Variants in HS6ST3 observed in about 807,000 individuals in gnomAD.
HS6ST3 encodes the protein heparan sulfate 6-O-sulfotransferase 3.
A neutral mutation model predicts 36.7 loss-of-function variants in HS6ST3; 12 were observed. That is an observed-to-expected ratio of 0.33 (90% CI 0.21 to 0.53). The LOEUF (loss-of-function observed/expected upper bound fraction) is 0.53, where lower values mean the gene tolerates loss of function less well. Ranked by LOEUF, HS6ST3 falls within the 20% of genes least tolerant of loss-of-function variation. The pLI is 0.95. For missense variants in HS6ST3, 584 were observed against 640.9 expected (o/e 0.91, Z 0.96); for synonymous variants, 240 against 257.5 (o/e 0.93, Z 0.65).
chr13:96,702,191 A>G (rs1307204879), intron 1 of HS6ST3, among the ~76,000 whole-genome samples: 1 of 152,122 alleles, frequency 6.6e-6, no homozygotes, highest in Non-Finnish European at 1.5e-5. Context: ...TAGTTGTGGG[A>G]AAAAAATCAC....
intron 1 of HS6ST3, among the ~76,000 whole-genome samples, chr13:96,385,196 G>A (rs75420719): frequency 0.33 from 46,080 of 139,028 alleles, 8,517 homozygotes; most frequent in Non-Finnish European, 0.42. Flanking sequence ...AAAAAAAAAA[G>A]AAAAGATTTT....
Position 96,370,334 on chromosome 13 carries a change from G to C in HS6ST3, c.707+278765G>C, listed in dbSNP as rs138805106. ...TATGCAGCTTTTCTCTCTCCCTTCAGAACAATGAAATTTTTGTCAGTTCAT... is the reference window on the plus strand; with the variant it reads ...TATGCAGCTTTTCTCTCTCCCTTCACAACAATGAAATTTTTGTCAGTTCAT... On this transcript the variant is annotated intron_variant, in intron 1 of 1. Coordinates refer to ENST00000376705, the MANE Select transcript of HS6ST3 (RefSeq NM_153456.4). 1.0e-3 allele frequency among the ~76,000 whole-genome samples: 158 copies of C among 152,096 alleles called. 2 individuals are homozygous for C. In the South Asian group the frequency reaches 0.011, roughly 10 times the overall value.
At chr13:96,226,563 A>G (rs1209640766) in intron 1 of HS6ST3, among the ~76,000 whole-genome samples, 1 of 152,214 alleles carries the variant, frequency 6.6e-6, no homozygotes, top group Non-Finnish European at 1.5e-5. Flanking sequence ...AGACATTATA[A>G]TATCTTTTGT....
chr13:96,603,716 C>T lies in HS6ST3; in HGVS notation c.708-228774C>T, dbSNP rs117440207. Among the ~76,000 whole-genome samples the T allele has an allele frequency of 8.4e-3, 1,280 of 152,154 alleles. 50 individuals are homozygous for T. Among genetic ancestry groups the T allele is most frequent in the Admixed American group, 0.071 (1,080 of 15,274 alleles). ...TATATAGAAGAGAATATTTTTAATG[C>T]AATAATTTATACGATCATGTTATGA... On this transcript the variant is annotated intron_variant, in intron 1 of 1. Transcript: ENST00000376705.
At chr13:96,260,565 G>A (rs187554042) in intron 1 of HS6ST3, among the ~76,000 whole-genome samples, 304 of 152,042 alleles carry the variant, frequency 2.0e-3, no homozygotes, top group African/African-American at 6.7e-3. Flanking sequence ...CACCCACCTC[G>A]GCCTCCCAAA....
intron 1 of HS6ST3, among the ~76,000 whole-genome samples, chr13:96,109,430 C>T (rs968723750): frequency 6.6e-6 from 1 of 152,156 alleles, no homozygotes; most frequent in Non-Finnish European, 1.5e-5. Flanking sequence ...ATGAGATGGG[C>T]TGGAAGAAGG....
At chr13:96,520,141 G>A (rs1002746806) in intron 1 of HS6ST3, among the ~76,000 whole-genome samples, 1 of 152,102 alleles carries the variant, frequency 6.6e-6, no homozygotes, top group Non-Finnish European at 1.5e-5. Context: ...CTTGTGTCAG[G>A]TTTGTCAAAG....
At chr13:96,386,182 A>G (rs541824117) in intron 1 of HS6ST3, among the ~76,000 whole-genome samples, 67 of 152,378 alleles carry the variant, frequency 4.4e-4, no homozygotes, top group African/African-American at 1.6e-3. Flanking sequence ...TCAGGGGCGA[A>G]GCAACAAGAT....
chr13:96,698,103 G>A (rs1875182062), intron 1 of HS6ST3, among the ~76,000 whole-genome samples: 2 of 152,056 alleles, frequency 1.3e-5, no homozygotes, highest in Admixed American at 1.3e-4. Flanking sequence ...GTGCAGGTTT[G>A]TTACATATGT....
At chr13:96,695,221 T>C (rs1372447877) in intron 1 of HS6ST3, among the ~76,000 whole-genome samples, 1 of 152,212 alleles carries the variant, frequency 6.6e-6, no homozygotes, top group Non-Finnish European at 1.5e-5. Context: ...ATGTAACCTC[T>C]GATTTCTTCT....
intron 1 of HS6ST3, among the ~76,000 whole-genome samples, chr13:96,270,387 T>A (rs551341295): frequency 1.3e-5 from 2 of 152,156 alleles, no homozygotes; most frequent in East Asian, 3.9e-4. Context: ...CCTATTATTC[T>A]TTAAAATGGA....
chr13:96,694,634 T>C (rs2138447705), intron 1 of HS6ST3, among the ~76,000 whole-genome samples: 1 of 152,360 alleles, frequency 6.6e-6, no homozygotes, highest in South Asian at 2.1e-4. Context: ...CCACCATGGT[T>C]GAACTCATTT....
chr13:96,393,299 A>G (rs1441359829), intron 1 of HS6ST3, among the ~76,000 whole-genome samples: 1 of 152,172 alleles, frequency 6.6e-6, no homozygotes, highest in East Asian at 1.9e-4. Flanking sequence ...TGGATTGTAG[A>G]GAGGTGGGAG....
intron 1 of HS6ST3, among the ~76,000 whole-genome samples, chr13:96,328,888 C>T (rs2055048206): frequency 6.6e-6 from 1 of 152,096 alleles, no homozygotes; most frequent in Admixed American, 6.5e-5. Flanking sequence ...AGAGATTCAA[C>T]TTCTTCCTGG....
At chr13:96,201,819 C>T (rs1315900153) in intron 1 of HS6ST3, among the ~76,000 whole-genome samples, 1 of 152,126 alleles carries the variant, frequency 6.6e-6, no homozygotes, top group East Asian at 1.9e-4. Context: ...AGATTTCCAT[C>T]TATATAGTCA....
chr13:96,838,554 T>G lies in HS6ST3; in HGVS notation c.*5356T>G, dbSNP rs2138556141. 1 of 152,464 alleles carries G rather than the reference T, an allele frequency of 6.6e-6. No individual in the cohort carries two copies. The highest frequency in any genetic ancestry group is 2.4e-5 in the African/African-American group (1 of 41,580). The allele number at this position is 152,464 out of a possible 1,614,324, so 9.4% of individuals were successfully genotyped here. ...GGGTCTGATGATTCTACCCATTTTG[T>G]GCCATCTGAGGAGCATGCGAGGGTT... On this transcript the variant is annotated 3_prime_UTR_variant, in exon 2 of 2. Coordinates refer to ENST00000376705, the MANE Select transcript of HS6ST3 (RefSeq NM_153456.4).
intron 1 of HS6ST3, among the ~76,000 whole-genome samples, chr13:96,449,604 A>T (rs146558904): frequency 6.6e-6 from 1 of 152,312 alleles, no homozygotes; most frequent in African/African-American, 2.4e-5. Flanking sequence ...TCCTCAGGAG[A>T]CCATACCTCC....
intron 1 of HS6ST3, among the ~76,000 whole-genome samples, chr13:96,643,301 T>C (rs533658397): frequency 6.6e-6 from 1 of 151,920 alleles, no homozygotes. Flanking sequence ...TTCATTTTTT[T>C]ACTCATACAG....
intron 1 of HS6ST3, among the ~76,000 whole-genome samples, chr13:96,765,809 T>C (rs946369824): frequency 5.3e-5 from 8 of 152,096 alleles, no homozygotes; most frequent in Non-Finnish European, 1.0e-4. Context: ...TGGCAGGTGT[T>C]TTACTATGAA....
Sources: gnomAD v4.1 joint callset for allele counts (sites outside exome capture counted in the v4.1 genomes callset) on GRCh38, gnomAD v4.1.1 for gene constraint, MANE v1.5 for transcripts, NCBI Gene and HGNC (gene_info 2026-07-23, HGNC 2026-07-21) for gene names.